The following WWOX variants were observed in gnomAD, a reference collection of about 807,000 sequenced individuals.
WWOX encodes the protein WW domain containing oxidoreductase.
A neutral mutation model predicts 46.2 loss-of-function variants in WWOX; 69 were observed. The observed-to-expected ratio is 1.49, with a 90% CI of 1.23 to 1.82. The LOEUF (loss-of-function observed/expected upper bound fraction) is 1.82. WWOX is among the 40% of genes most tolerant of loss of function. WWOX has a pLI of 0.00. For synonymous variants in WWOX, 359 were observed against 202.6 expected (o/e 1.77, Z -6.56); for missense variants, 919 against 542.6 (o/e 1.69, Z -6.89).
At chr16:78,520,775 T>C (rs773757208) in intron 8 of WWOX, among the ~76,000 whole-genome samples, 7 of 152,160 alleles carry the variant, frequency 4.6e-5, no homozygotes, top group Non-Finnish European at 8.8e-5. Flanking sequence ...GGGCCAGATA[T>C]TAGAACATCT....
chr16:78,382,227 A>G (rs2081969419), intron 5 of WWOX, among the ~76,000 whole-genome samples: 2 of 152,140 alleles, frequency 1.3e-5, no homozygotes, highest in South Asian at 4.1e-4. Flanking sequence ...AGCACGTTGC[A>G]CCTTCTAGAA....
intron 8 of WWOX, among the ~76,000 whole-genome samples, chr16:79,208,322 C>T (rs886508146): frequency 6.6e-6 from 1 of 151,984 alleles, no homozygotes; most frequent in Non-Finnish European, 1.5e-5. Flanking sequence ...ACACCTCCCC[C>T]GTTTCCCATG....
At chr16:78,963,154 A>C (rs1377375497) in intron 8 of WWOX, among the ~76,000 whole-genome samples, 1 of 152,136 alleles carries the variant, frequency 6.6e-6, no homozygotes, top group Non-Finnish European at 1.5e-5. Context: ...TCTATCCATC[A>C]GTCTATCTTG....
intron 5 of WWOX, chr16:78,168,409 C>G (rs187853607): frequency 6.6e-6 from 1 of 151,936 alleles, no homozygotes; most frequent in East Asian, 1.9e-4. Flanking sequence ...ATCCCTCATC[C>G]AGGAGGATGC....
chr16:78,537,350 G>A (rs2043783929), intron 8 of WWOX, among the ~76,000 whole-genome samples: 1 of 152,226 alleles, frequency 6.6e-6, no homozygotes, highest in Non-Finnish European at 1.5e-5. Context: ...TAGGTAGATA[G>A]ATGAAGGGTT....
chr16:78,482,374 A>G (rs1269432393), intron 8 of WWOX, among the ~76,000 whole-genome samples: 1 of 152,094 alleles, frequency 6.6e-6, no homozygotes, highest in Non-Finnish European at 1.5e-5. Context: ...GGCATGCACC[A>G]CCATAGCTGG....
At chr16:78,534,091 C>G (rs78436723) in intron 8 of WWOX, among the ~76,000 whole-genome samples, 2,167 of 152,242 alleles carry the variant, frequency 0.014, 23 homozygotes, top group African/African-American at 0.027. Flanking sequence ...ATATTAGAAT[C>G]ATTGAATCCC....
intron 8 of WWOX, among the ~76,000 whole-genome samples, chr16:78,642,610 G>T (rs1431716151): frequency 1.3e-5 from 2 of 152,070 alleles, no homozygotes; most frequent in African/African-American, 4.8e-5. Flanking sequence ...CCATGTTTTT[G>T]TCGTGGGCTA....
chr16:78,916,154 T>C (rs1323506139), intron 8 of WWOX, among the ~76,000 whole-genome samples: 3 of 152,006 alleles, frequency 2.0e-5, no homozygotes, highest in African/African-American at 4.8e-5. Flanking sequence ...AAAACAATGC[T>C]CTCAGCCGAA....
At chr16:78,740,227 G>C (rs749569649) in intron 8 of WWOX, among the ~76,000 whole-genome samples, 1 of 152,176 alleles carries the variant, frequency 6.6e-6, no homozygotes, top group Non-Finnish European at 1.5e-5. Context: ...ACTCAGGAAG[G>C]CTGGAGTCTT....
chr16:78,608,157 A>G (rs1388562637), intron 8 of WWOX, among the ~76,000 whole-genome samples: 1 of 152,140 alleles, frequency 6.6e-6, no homozygotes, highest in Admixed American at 6.5e-5. Flanking sequence ...TCGTACGTTG[A>G]CCATGCCACG....
chr16:78,333,776 TG>T (rs2080818423), intron 5 of WWOX, among the ~76,000 whole-genome samples: 1 of 152,246 alleles, frequency 6.6e-6, no homozygotes, highest in Non-Finnish European at 1.5e-5. Flanking sequence ...CCCAAAGTTT[TG>T]GCTTATTTGG....
At chr16:78,245,351 G>C (rs959388043) in intron 5 of WWOX, among the ~76,000 whole-genome samples, 3 of 152,102 alleles carry the variant, frequency 2.0e-5, no homozygotes, top group Admixed American at 6.6e-5. Flanking sequence ...GAACATCTTT[G>C]GTTCTAAAGC....
At chr16:78,946,901 A>C (rs1427731067) in intron 8 of WWOX, among the ~76,000 whole-genome samples, 1 of 152,132 alleles carries the variant, frequency 6.6e-6, no homozygotes, top group African/African-American at 2.4e-5. Flanking sequence ...ACCTTCTCAG[A>C]GTCAGTAGGA....
intron 5 of WWOX, among the ~76,000 whole-genome samples, chr16:78,213,837 C>T (rs1014620218): frequency 6.6e-6 from 1 of 152,132 alleles, no homozygotes; most frequent in African/African-American, 2.4e-5. Flanking sequence ...TAAGTGTATT[C>T]GGTGCCTGAG....
chr16:78,751,326 A>G (rs969370103), intron 8 of WWOX, among the ~76,000 whole-genome samples: 1 of 151,156 alleles, frequency 6.6e-6, no homozygotes, highest in South Asian at 2.1e-4. Flanking sequence ...CTGGGAGTCA[A>G]AAGCAAAGAG....
intron 8 of WWOX, among the ~76,000 whole-genome samples, chr16:78,992,549 G>C (rs4888908): frequency 0.12 from 18,479 of 152,150 alleles, 1,177 homozygotes; most frequent in East Asian, 0.21. Context: ...GTGTTGTATG[G>C]ATGTGAGCGT....
intron 8 of WWOX, among the ~76,000 whole-genome samples, chr16:78,625,160 A>G (rs531535725): frequency 2.6e-5 from 4 of 152,118 alleles, no homozygotes; most frequent in African/African-American, 7.2e-5. Context: ...ATCACCAATC[A>G]CGCTGAGGGA....
intron 8 of WWOX, among the ~76,000 whole-genome samples, chr16:78,638,925 T>G (rs560436720): frequency 5.3e-5 from 8 of 152,250 alleles, no homozygotes; most frequent in East Asian, 3.9e-4. Context: ...CTGAGAGATA[T>G]CAGTGTAAAA....
Sources: gnomAD v4.1 joint callset for allele counts (sites outside exome capture counted in the v4.1 genomes callset) on GRCh38, gnomAD v4.1.1 for gene constraint, MANE v1.5 for transcripts, NCBI Gene and HGNC (gene_info 2026-07-23, HGNC 2026-07-21) for gene names.